Variants in PDE4C observed in about 807,000 individuals in gnomAD.
The protein encoded by PDE4C is phosphodiesterase 4C.
A neutral mutation model predicts 63.9 loss-of-function variants in PDE4C; 50 were observed. That is an observed-to-expected ratio of 0.78 (90% CI 0.62 to 0.99). The LOEUF (loss-of-function observed/expected upper bound fraction) is 0.99, where lower values mean the gene tolerates loss of function less well. Ranked by LOEUF, PDE4C falls within the 50% of genes least tolerant of loss-of-function variation. The probability of loss-of-function intolerance (pLI) is 0.00; values close to 1 mark genes in which losing one functional copy is unlikely to be tolerated. For synonymous variants in PDE4C, 377 were observed against 385.1 expected (o/e 0.98, Z 0.25); for missense variants, 777 against 899.1 (o/e 0.86, Z 1.74).
chr19:18,244,317 CG>C (rs1555697836), intron 1 of PDE4C, among the ~76,000 whole-genome samples: 2 of 150,484 alleles, frequency 1.3e-5, no homozygotes, highest in Non-Finnish European at 3.0e-5. Context: ...TTTTTTGAGA[CG>C]ACGTCTCACT....
intron 7 of PDE4C, chr19:18,219,656 G>A (rs565182328): frequency 2.2e-5 from 9 of 409,382 alleles, no homozygotes; most frequent in East Asian, 8.4e-5. Context: ...AAACCCCATC[G>A]CTACTAAAAA....
upstream of PDE4C, among the ~76,000 whole-genome samples, chr19:18,248,437 G>A (rs576696053): frequency 1.4e-3 from 213 of 151,346 alleles, no homozygotes; most frequent in African/African-American, 4.9e-3. Context: ...GGGGAGGGGC[G>A]GGGAGGGCAG....
upstream of PDE4C, among the ~76,000 whole-genome samples, chr19:18,237,648 G>A (rs975693775): frequency 3.3e-5 from 5 of 151,896 alleles, no homozygotes; most frequent in Non-Finnish European, 2.9e-5. Flanking sequence ...TGAGGCAGGC[G>A]GATCACGAGG....
the PDE4C span, among the ~76,000 whole-genome samples, chr19:18,253,503 A>G: frequency 6.6e-6 from 1 of 151,686 alleles, no homozygotes; most frequent in East Asian, 1.9e-4. Context: ...GTAAGCCATG[A>G]TCATGCCACT....
At chr19:18,246,062 GTGC>G (rs1969124320) in intron 1 of PDE4C, among the ~76,000 whole-genome samples, 1 of 110,162 alleles carries the variant, frequency 9.1e-6, no homozygotes, top group African/African-American at 4.4e-5. Context: ...CCAGGCTGGA[GTGC>G]AGTGCAGTGG....
intron 1 of PDE4C, among the ~76,000 whole-genome samples, chr19:18,242,475 C>CAAAAAAA (rs748870873): frequency 6.7e-5 from 2 of 29,804 alleles, no homozygotes; most frequent in Non-Finnish European, 1.1e-4. Context: ...GACTCCATCT[C>CAAAAAAA]AAAAAAAAAA....
intron 1 of PDE4C, chr19:18,232,942 C>G: frequency 1.4e-6 from 2 of 1,445,042 alleles, no homozygotes; most frequent in Non-Finnish European, 9.1e-7. Flanking sequence ...CCTGCCCCGG[C>G]CACCTACCGC....
At chr19:18,210,070 G>T (rs1410437440), downstream of PDE4C, 1 of 152,350 alleles carries the variant, frequency 6.6e-6, no homozygotes, top group Non-Finnish European at 1.5e-5. Context: ...GCCCAGGCTG[G>T]AGTGCAGTGA....
At chr19:18,254,167 G>A in the PDE4C span, among the ~76,000 whole-genome samples, 2 of 152,226 alleles carry the variant, frequency 1.3e-5, no homozygotes, top group Non-Finnish European at 2.9e-5. Flanking sequence ...CAGAGTAGCA[G>A]AGGGTCTGGC....
At position 18,220,981 on chromosome 19, in the gene PDE4C, C is replaced by T. The variant is rs1410204930; in HGVS notation, c.450-58G>A. 1.3e-6 allele frequency: 2 copies of T among 1,560,294 alleles called. No individual in the cohort carries two copies. Among genetic ancestry groups the T allele is most frequent in the Non-Finnish European group, 1.7e-6 (2 of 1,151,950 alleles). ...CGCCCATCTCGCCCCGCCCCCAAGT[C>T]CACCAGGCCCCGCCCCTCAAACCCA... is the stretch of plus-strand genomic sequence containing the variant. On this transcript the variant is annotated intron_variant, in intron 4 of 14. Transcript: ENST00000262805. The surrounding 1 kb of genome is among the most constrained non-coding windows in gnomAD (Gnocchi z 5.1).
At chr19:18,238,084 G>A (rs1370228316), upstream of PDE4C, among the ~76,000 whole-genome samples, 1 of 152,048 alleles carries the variant, frequency 6.6e-6, no homozygotes, top group Non-Finnish European at 1.5e-5. Flanking sequence ...AATTAGCCAG[G>A]CATCGTGGTG....
At chr19:18,217,130 T>C (rs1475082117) in intron 11 of PDE4C, 1 of 444,492 alleles carries the variant, frequency 2.2e-6, no homozygotes, top group East Asian at 3.5e-5. Flanking sequence ...GGACCCCCTA[T>C]GGCCAGTGAC....
intron 1 of PDE4C, among the ~76,000 whole-genome samples, chr19:18,224,875 G>A (rs1968659447): frequency 6.6e-6 from 1 of 152,238 alleles, no homozygotes; most frequent in Non-Finnish European, 1.5e-5. Flanking sequence ...GCGGACTGGA[G>A]GCGGCGGATA....
At chr19:18,213,454 G>A (rs2148006094) in exon 13 of PDE4C, 1 of 1,613,552 alleles carries the variant, frequency 6.2e-7, no homozygotes, top group Non-Finnish European at 8.5e-7. Flanking sequence ...AGGTCGGCCA[G>A]GAGGTTCATG....
chr19:18,235,975 T>C (rs2148059129), upstream of PDE4C, among the ~76,000 whole-genome samples: 2 of 151,964 alleles, frequency 1.3e-5, no homozygotes, highest in Middle Eastern at 6.8e-3. Flanking sequence ...TGTTTTTAGA[T>C]GGAGTCGCCC....
rs917716471 is a variant in PDE4C at position 18,218,555 on chromosome 19, GT to G, written c.970-58del. 2.5e-5 allele frequency: 40 copies of G among 1,587,496 alleles called. No individual in the cohort carries two copies. In the African/African-American group the frequency reaches 3.5e-4, roughly 14 times the overall value. On this transcript the variant is annotated intron_variant, in intron 9 of 14. Transcript: ENST00000262805. ...TGGCCTTGGGGCTGCAGCACACGCT[GT>G]TCCTACCCCTCTCTTCTGAACTCCT...
upstream of PDE4C, among the ~76,000 whole-genome samples, chr19:18,229,637 G>C (rs887093352): frequency 1.3e-5 from 2 of 152,124 alleles, no homozygotes; most frequent in African/African-American, 4.8e-5. Context: ...TGGCCCCAGA[G>C]AGATTTTTTT....
chr19:18,228,236 GC>G (rs1002780209), upstream of PDE4C, among the ~76,000 whole-genome samples: 1 of 152,010 alleles, frequency 6.6e-6, no homozygotes, highest in Non-Finnish European at 1.5e-5. Context: ...AGAAACCGAG[GC>G]ACAGAGATTC....
chr19:18,223,382 G>A (rs964496134), intron 1 of PDE4C, among the ~76,000 whole-genome samples: 1 of 152,074 alleles, frequency 6.6e-6, no homozygotes, highest in African/African-American at 2.4e-5. Flanking sequence ...AGCTAATTTT[G>A]TATTTTTAGT....
Sources: gnomAD v4.1 joint callset for allele counts (sites outside exome capture counted in the v4.1 genomes callset) on GRCh38, gnomAD v4.1.1 for gene constraint, Gnocchi (gnomAD v3.1) non-coding constraint, MANE v1.5 for transcripts, NCBI Gene and HGNC (gene_info 2026-07-23, HGNC 2026-07-21) for gene names.